The following MAD1L1 variants were observed in gnomAD, a reference collection of about 807,000 sequenced individuals.
MAD1L1 encodes mitotic spindle assembly checkpoint protein MAD1.
In MAD1L1, 95 loss-of-function variants were observed where a neutral mutation model predicts 96.9. The observed-to-expected ratio is 0.98, with a 90% CI of 0.83 to 1.16. The LOEUF (loss-of-function observed/expected upper bound fraction) is 1.16, where lower values mean the gene tolerates loss of function less well. Among genes scored for constraint, MAD1L1 ranks in the 50% most tolerant of loss-of-function variants. The pLI, the probability that MAD1L1 is intolerant of heterozygous loss-of-function variation, is 0.00. For synonymous variants in MAD1L1, 473 were observed against 396.6 expected (o/e 1.19, Z -2.29); for missense variants, 1,007 against 954.4 (o/e 1.06, Z -0.73).
chr7:2,187,226 G>A (rs1479284297), intron 10 of MAD1L1, among the ~76,000 whole-genome samples: 1 of 152,028 alleles, frequency 6.6e-6, no homozygotes, highest in Admixed American at 6.6e-5. Context: ...GCGTACACCT[G>A]TGGTCCCAGC....
chr7:2,102,201 G>T, intron 11 of MAD1L1, among the ~76,000 whole-genome samples: 1 of 145,720 alleles, frequency 6.9e-6, no homozygotes, highest in East Asian at 2.0e-4. Flanking sequence ...CATCACCACC[G>T]TCACCGTCAC....
intron 10 of MAD1L1, among the ~76,000 whole-genome samples, chr7:2,180,869 A>G (rs1257681856): frequency 2.6e-5 from 4 of 152,144 alleles, no homozygotes; most frequent in Admixed American, 2.6e-4. Flanking sequence ...TTCCTTTCCA[A>G]TCTGGATGTC....
At chr7:2,166,983 T>C (rs940082707) in intron 10 of MAD1L1, among the ~76,000 whole-genome samples, 3 of 152,144 alleles carry the variant, frequency 2.0e-5, no homozygotes, top group African/African-American at 7.2e-5. Flanking sequence ...GCCTAACTGG[T>C]GGAATCCCCT....
chr7:2,151,739 C>T (rs1011002702), intron 10 of MAD1L1, among the ~76,000 whole-genome samples: 1 of 152,178 alleles, frequency 6.6e-6, no homozygotes, highest in African/African-American at 2.4e-5. Context: ...AACCATTTAG[C>T]AATGAGGGGG....
chr7:2,009,058 G>A (rs903332238), intron 13 of MAD1L1, among the ~76,000 whole-genome samples: 1 of 152,190 alleles, frequency 6.6e-6, no homozygotes, highest in Non-Finnish European at 1.5e-5. Flanking sequence ...CGAGTGACCA[G>A]GGAGCTGCCT....
At chr7:2,139,959 T>G (rs1249615207) in intron 11 of MAD1L1, among the ~76,000 whole-genome samples, 1 of 151,180 alleles carries the variant, frequency 6.6e-6, no homozygotes, top group Non-Finnish European at 1.5e-5. Flanking sequence ...GGCCTCAGTT[T>G]CCCTGTTTTT....
At position 2,114,417 on chromosome 7, in the gene MAD1L1, C is replaced by G. The variant is rs1239246057; in HGVS notation, c.1073+34735G>C. 6.6e-6 allele frequency among the ~76,000 whole-genome samples: 1 copy of G among 152,228 alleles called. No homozygotes were observed. Among genetic ancestry groups the G allele is most frequent in the Admixed American group, 6.5e-5 (1 of 15,280 alleles). The stretch of plus-strand genomic sequence containing the variant: ...GGGGCCAACACCAGAGGACGCCATC[C>G]TCCTTAAGGCCACAAAGTGTATGGT... On this transcript the variant is annotated intron_variant, in intron 11 of 18. Coordinates refer to ENST00000265854, the MANE Select transcript of MAD1L1 (RefSeq NM_001013836.2). This position sits in a 1 kb window ranked among gnomAD's most constrained non-coding sequence, Gnocchi z 4.2.
At chr7:1,936,254 G>A (rs1778594779) in intron 17 of MAD1L1, among the ~76,000 whole-genome samples, 1 of 152,264 alleles carries the variant, frequency 6.6e-6, no homozygotes, top group South Asian at 2.1e-4. Context: ...TGGCCCTCAT[G>A]GAGGCCTCAT....
At chr7:1,825,551 C>A (rs1273819116) in intron 18 of MAD1L1, among the ~76,000 whole-genome samples, 1 of 152,260 alleles carries the variant, frequency 6.6e-6, no homozygotes, top group East Asian at 1.9e-4. Context: ...CCCTCGGCAC[C>A]CAGCGGCCAG....
intron 17 of MAD1L1, among the ~76,000 whole-genome samples, chr7:1,909,732 GCCA>G (rs1562514784): frequency 6.6e-6 from 1 of 152,200 alleles, no homozygotes; most frequent in African/African-American, 2.4e-5. Flanking sequence ...AGGATGGGAC[GCCA>G]CCACCTGCCA....
chr7:1,911,300 G>A (rs1422755906), intron 17 of MAD1L1, among the ~76,000 whole-genome samples: 1 of 152,042 alleles, frequency 6.6e-6, no homozygotes, highest in Non-Finnish European at 1.5e-5. Context: ...TCTACTTCCT[G>A]TCACCCTCCT....
intron 15 of MAD1L1, among the ~76,000 whole-genome samples, chr7:1,966,817 C>T (rs1359693606): frequency 6.6e-6 from 1 of 152,244 alleles, no homozygotes; most frequent in East Asian, 1.9e-4. Context: ...TGCTGGGAGG[C>T]GAGGGCCGCG....
chr7:2,128,675 G>A (rs1486998987), intron 11 of MAD1L1, among the ~76,000 whole-genome samples: 1 of 152,172 alleles, frequency 6.6e-6, no homozygotes, highest in Non-Finnish European at 1.5e-5. Flanking sequence ...CTGGGGCCTT[G>A]GCCATTGCAG....
At position 2,033,309 on chromosome 7, in the gene MAD1L1, C is replaced by T. The variant is rs556964672; in HGVS notation, c.1219-18667G>A. Among the ~76,000 whole-genome samples the T allele has an allele frequency of 1.5e-4, 23 of 152,310 alleles. No homozygotes were observed. The South Asian group carries it at 1.7e-3, about 11-fold the overall frequency. On this transcript the variant is annotated intron_variant, in intron 12 of 18. Coordinates refer to ENST00000265854, the MANE Select transcript of MAD1L1 (RefSeq NM_001013836.2). ...ACCAGCCCAGATGACCCGGTCACCC[C>T]TGCCCTCGCCTGCTTCACTGCACTA...
chr7:1,933,794 G>A (rs1192199599), intron 17 of MAD1L1, among the ~76,000 whole-genome samples: 1 of 152,154 alleles, frequency 6.6e-6, no homozygotes, highest in African/African-American at 2.4e-5. Flanking sequence ...TGGTTCCGGG[G>A]ACCCATCTCT....
rs1466700622 is a variant in MAD1L1, at chr7:2,197,517, G to A, written c.986+15695C>T. 5.3e-5 allele frequency among the ~76,000 whole-genome samples: 8 copies of A among 152,042 alleles called. 1 individual carries two copies. In the South Asian group the frequency reaches 8.3e-4, roughly 16 times the overall value. ...CACTCCGCCGACGCCTGGTACACAC[G>A]ACGTGCACTGCACAGCCACCTTCTC... On this transcript the variant is annotated intron_variant, in intron 10 of 18. Transcript: ENST00000265854.
chr7:1,965,716 C>T (rs982975055), intron 15 of MAD1L1, among the ~76,000 whole-genome samples: 1 of 152,184 alleles, frequency 6.6e-6, no homozygotes, highest in African/African-American at 2.4e-5. Context: ...AGGAGCCGTG[C>T]TCTCTGTCTG....
chr7:2,069,068 A>G (rs566796350), intron 12 of MAD1L1, 126 bp downstream of exon 12: 1 of 1,298,724 alleles, frequency 7.7e-7, no homozygotes, highest in Non-Finnish European at 1.0e-6. Context: ...CTGGCAACCC[A>G]GGGCCAAAGT....
chr7:2,196,014 G>C (rs940011227), intron 10 of MAD1L1, among the ~76,000 whole-genome samples: 7 of 152,234 alleles, frequency 4.6e-5, no homozygotes, highest in Admixed American at 1.3e-4. Flanking sequence ...AAAAATGCAG[G>C]ATCCAGCTGC....
Sources: allele counts gnomAD v4.1 joint callset (sites outside exome capture counted in the v4.1 genomes callset), GRCh38; gene constraint gnomAD v4.1.1; non-coding constraint Gnocchi (gnomAD v3.1); transcripts MANE v1.5; gene names NCBI Gene and HGNC (gene_info 2026-07-23, HGNC 2026-07-21).